The following MST1R variants were observed in gnomAD, a reference collection of about 807,000 sequenced individuals.
MST1R encodes the protein macrophage stimulating 1 receptor, also known as macrophage-stimulating protein receptor.
In MST1R, 99 loss-of-function variants were observed where a neutral mutation model predicts 117.8. That is an observed-to-expected ratio of 0.84 (90% CI 0.71 to 0.99). MST1R has a LOEUF of 0.99. Among genes scored for constraint, MST1R ranks in the 50% least tolerant of loss-of-function variants. MST1R has a pLI of 0.00. For synonymous variants in MST1R, 734 were observed against 765.3 expected, an observed-to-expected ratio of 0.96 and a Z score of 0.68; for missense variants, 1,683 against 1,840.2, an observed-to-expected ratio of 0.91 and a Z score of 1.56.
chr3:49,903,641 C>T lies in MST1R; in HGVS notation c.-32G>A. 2 of 1,534,776 alleles carry T rather than the reference C, an allele frequency of 1.3e-6. No homozygotes were observed. The highest frequency in any genetic ancestry group is 2.5e-5 in the South Asian group (2 of 79,988). ...GAGCTGGGACCCTAGAGGATCCCTACCGGCCTGGGCCTGGACCTGGGCGTG... is the reference window on the plus strand; with the variant it reads ...GAGCTGGGACCCTAGAGGATCCCTATCGGCCTGGGCCTGGACCTGGGCGTG... On this transcript the variant is annotated 5_prime_UTR_variant, in exon 1 of 20. Transcript: ENST00000296474.
At chr3:49,889,052 T>G (rs1021491384) in intron 19 of MST1R, among the ~76,000 whole-genome samples, 1 of 152,196 alleles carries the variant, frequency 6.6e-6, no homozygotes, top group Non-Finnish European at 1.5e-5. Context: ...TAATGCCTGG[T>G]ACAAAGACCT....
chr3:49,890,715 T>C (rs572290175), intron 17 of MST1R, 65 bp from the exon 18 acceptor site: 12 of 1,487,164 alleles, frequency 8.1e-6, no homozygotes, highest in Non-Finnish European at 1.1e-5. Flanking sequence ...CCACCTGTTC[T>C]AGGCCCTTAC....
At chr3:49,895,401 T>C (rs763837544) in intron 13 of MST1R, 28 bp from the exon 14 acceptor site, 1 of 1,614,076 alleles carries the variant, frequency 6.2e-7, no homozygotes, top group South Asian at 1.1e-5. Flanking sequence ...GAGGAGCTTG[T>C]AGGGACAGGG....
In MST1R at chr3:49,897,320, G is replaced by C. The variant is rs375003602; in HGVS notation, c.2143C>G (p.Arg715Gly). Residue 715 changes from arginine to glycine, a missense_variant, in exon 7 of 20, where the codon CGG becomes GGG. Coordinates refer to ENST00000296474, the MANE Select transcript of MST1R (RefSeq NM_002447.4). Reference protein sequence around the residue: ...EGQSLSVGTSRAVLVNGTECL... With the variant: ...EGQSLSVGTSGAVLVNGTECL... ...TCAGTCCCATTGACCAGCACAGCCC[G>C]GCTGGTGCCTACAGACAGACTCTGG... The C allele has an allele frequency of 6.2e-7, 1 of 1,613,558 alleles. No homozygotes were observed. The highest frequency in any genetic ancestry group is 8.5e-7 in the Non-Finnish European group (1 of 1,179,774).
Position 49,903,763 on chromosome 3 carries a change from G to A in MST1R, c.-154C>T, listed in dbSNP as rs1488787995. Reference sequence around the variant, plus strand: ...TAGCGGACCCCCGCCCCAGGTTCCTGTGAAACCCAAATCCCTTCCCGGCCC... The same window carrying A: ...TAGCGGACCCCCGCCCCAGGTTCCTATGAAACCCAAATCCCTTCCCGGCCC... On this transcript the variant is annotated 5_prime_UTR_variant, in exon 1 of 20. Transcript: ENST00000296474. 3 of 1,076,948 alleles carry A rather than the reference G, an allele frequency of 2.8e-6. No individual in the cohort carries two copies. The highest frequency in any genetic ancestry group is 3.2e-5 in the African/African-American group (2 of 62,674). 66.7% of individuals were successfully genotyped at this position (1,076,948 alleles called of 1,614,324 possible). A position where few individuals can be genotyped will look rare whatever the true frequency, so the allele number is the denominator to read the frequency against.
chr3:49,892,941 T>C (rs1428994014), intron 14 of MST1R, among the ~76,000 whole-genome samples: 3 of 142,258 alleles, frequency 2.1e-5, no homozygotes, highest in South Asian at 2.3e-4. Context: ...GCCTGGGCAA[T>C]AGAGTGAGAC....
chr3:49,887,236 G>T lies in MST1R; in HGVS notation c.*71C>A. Reference sequence around the variant, plus strand: ...ACAAGGTGGAGGGCCACTGCCCTCTGGCCTGGCATGGCCCAGAGGCAGCTT... The same window carrying T: ...ACAAGGTGGAGGGCCACTGCCCTCTTGCCTGGCATGGCCCAGAGGCAGCTT... On this transcript the variant is annotated 3_prime_UTR_variant, in exon 20 of 20. Coordinates refer to ENST00000296474, the MANE Select transcript of MST1R (RefSeq NM_002447.4). 6.3e-7 allele frequency: 1 copy of T among 1,582,936 alleles called. No homozygotes were observed. Among genetic ancestry groups the T allele is most frequent in the Non-Finnish European group, 8.6e-7 (1 of 1,163,114 alleles).
rs1342975947 is a variant in MST1R, at chr3:49,898,206, G to A, written c.1725C>T (p.His575=). The change falls in exon 5 of 20, where the codon CAC becomes CAT. Residue 575 remains histidine (H), a synonymous_variant. Coordinates refer to ENST00000296474, the MANE Select transcript of MST1R (RefSeq NM_002447.4). ...DHCPPKLTEF[H]PHSGPLRGST... Reference sequence around the variant, plus strand: ...TGCCCCTTAGAGGTCCACTGTGGGGGTGGAACTGAAATGGGGGAAACAGCC... The same window carrying A: ...TGCCCCTTAGAGGTCCACTGTGGGGATGGAACTGAAATGGGGGAAACAGCC... 2 of 1,613,718 alleles carry A rather than the reference G, an allele frequency of 1.2e-6. No individual in the cohort carries two copies. Among genetic ancestry groups the A allele is most frequent in the East Asian group, 2.2e-5 (1 of 44,880 alleles).
rs1231200575 is a variant in MST1R at position 49,895,746 on chromosome 3, G to A, written c.2931C>T (p.Val977=). The A allele has an allele frequency of 3.1e-6, 5 of 1,613,010 alleles. No individual in the cohort carries two copies. Among genetic ancestry groups the A allele is most frequent in the African/African-American group, 1.3e-5 (1 of 74,910 alleles). The part of the protein sequence containing the change: ...LLVAALATAL[V]FSYWWRRKQL... ...GCTTCCTCCGCCACCAGTAGCTGAA[G>A]ACCAGTGCAGTCGCCAGTGCAGCCA... Residue 977 remains valine (V), a synonymous_variant, in exon 12 of 20, where the codon GTC becomes GTT. Transcript: ENST00000296474.
At chr3:49,889,854 G>A in intron 19 of MST1R, 70 bp downstream of exon 19, 1 of 1,585,028 alleles carries the variant, frequency 6.3e-7, no homozygotes, top group Admixed American at 1.8e-5. Context: ...CCAGGCAGGA[G>A]CTCTGTCTCC....
At position 49,887,380 on chromosome 3, in the gene MST1R, T is replaced by C; in HGVS notation, c.4130A>G (p.Gln1377Arg). 2.5e-6 allele frequency: 4 copies of C among 1,614,226 alleles called. No individual in the cohort carries two copies. Among genetic ancestry groups the C allele is most frequent in the Non-Finnish European group, 3.4e-6 (4 of 1,180,032 alleles). Residue 1377 changes from glutamine (Q) to arginine (R), a missense_variant, in exon 20 of 20, where the codon CAG becomes CGG. Transcript: ENST00000296474. ...TSHEMNVRPE[Q>R]PQFSPMPGNV... ...CCCTGGCATGGGTGAGAACTGCGGC[T>C]GTTCTGGACGCACATTCATCTCATG...
chr3:49,887,573 A>G lies in MST1R; in HGVS notation c.3948-11T>C. On this transcript the variant is annotated splice_polypyrimidine_tract_variant and intron_variant, in intron 19 of 19. Coordinates refer to ENST00000296474, the MANE Select transcript of MST1R (RefSeq NM_002447.4). ...TGCATCACTTGGTACCTGTTGGGGGAAAGGGATGTCAGGTTAAGGCAATTT... is the reference window on the plus strand; with the variant it reads ...TGCATCACTTGGTACCTGTTGGGGGGAAGGGATGTCAGGTTAAGGCAATTT... 1.9e-6 allele frequency: 3 copies of G among 1,612,748 alleles called. No homozygotes were observed. Among genetic ancestry groups the G allele is most frequent in the Non-Finnish European group, 2.5e-6 (3 of 1,179,282 alleles).
intron 14 of MST1R, among the ~76,000 whole-genome samples, chr3:49,893,533 G>C (rs529751784): frequency 1.2e-3 from 179 of 151,856 alleles, no homozygotes; most frequent in Non-Finnish European, 2.0e-3. Context: ...GAACCTGGGA[G>C]GGGGAGGTTG....
chr3:49,895,558 G>C lies in MST1R; in HGVS notation c.2963-10C>G. On this transcript the variant is annotated splice_polypyrimidine_tract_variant and intron_variant, in intron 12 of 19. Coordinates refer to ENST00000296474, the MANE Select transcript of MST1R (RefSeq NM_002447.4). ...AGGTTGGGAGGAAGAACTGTGGAAA[G>C]AGAATCCTTGGTGGCTTGGCTTTCC... The C allele has an allele frequency of 6.2e-7, 1 of 1,614,048 alleles. No individual in the cohort carries two copies. The highest frequency in any genetic ancestry group is 8.5e-7 in the Non-Finnish European group (1 of 1,179,954).
chr3:49,896,988 T>C (rs2082499581), intron 7 of MST1R, 98 bp from the exon 8 acceptor site: 1 of 1,365,004 alleles, frequency 7.3e-7, no homozygotes, highest in East Asian at 2.5e-5. Flanking sequence ...TCGTCTGTTA[T>C]CTCTCCCACC....
In MST1R at chr3:49,897,421, G is replaced by A. The variant is rs1416559974; in HGVS notation, c.2047-5C>T. 6.2e-7 allele frequency: 1 copy of A among 1,612,718 alleles called. No individual in the cohort carries two copies. On this transcript the variant is annotated splice_polypyrimidine_tract_variant and splice_region_variant and intron_variant, in intron 6 of 19. Transcript: ENST00000296474. ...CACTGCTATCAGCACTGGCTCCTAA[G>A]AGGACATAGAGGTGGCTTAGGCAGG...
Position 49,903,284 on chromosome 3 carries a change from G to C in MST1R, c.326C>G (p.Pro109Arg). The change falls in exon 1 of 20, where the codon CCA (proline) becomes CGA (arginine). Residue 109 changes from proline to arginine, a missense_variant. Transcript: ENST00000296474. ...GTCACCGGGAGGGCCGTGGGGTCCT[G>C]GGCCACAGGCTGCACACGTCTGGCA... ...PGCQTCAACGPGPHGPPGDTD... is the reference protein window; with the variant it reads ...PGCQTCAACGRGPHGPPGDTD... The C allele has an allele frequency of 1.2e-6, 2 of 1,611,430 alleles. No homozygotes were observed. The highest frequency in any genetic ancestry group is 8.5e-7 in the Non-Finnish European group (1 of 1,179,950).
At chr3:49,892,442 G>C (rs2082342324) in intron 14 of MST1R, among the ~76,000 whole-genome samples, 2 of 151,738 alleles carry the variant, frequency 1.3e-5, no homozygotes. Context: ...CAGGAGGATA[G>C]CTTGAACCCG....
chr3:49,897,433 G>A lies in MST1R; in HGVS notation c.2047-17C>T. 1 of 1,612,386 alleles carries A rather than the reference G, an allele frequency of 6.2e-7. No homozygotes were observed. ...CACTGGCTCCTAAGAGGACATAGAG[G>A]TGGCTTAGGCAGGTCCTCCACTCCA... On this transcript the variant is annotated splice_polypyrimidine_tract_variant and intron_variant, in intron 6 of 19. Coordinates refer to ENST00000296474, the MANE Select transcript of MST1R (RefSeq NM_002447.4).
Sources: allele counts gnomAD v4.1 joint callset (sites outside exome capture counted in the v4.1 genomes callset), GRCh38; gene constraint gnomAD v4.1.1; transcripts MANE v1.5; gene names NCBI Gene and HGNC (gene_info 2026-07-23, HGNC 2026-07-21).